The following DNASE1L1 variants were observed in gnomAD, a reference collection of about 807,000 sequenced individuals.
The protein encoded by DNASE1L1 is deoxyribonuclease-1-like 1.
In DNASE1L1, 8 loss-of-function variants were observed where a neutral mutation model predicts 18.6. The ratio of observed to expected loss-of-function variants is 0.43; its 90% CI spans 0.25 to 0.78. The LOEUF (loss-of-function observed/expected upper bound fraction) is 0.78, where lower values mean the gene tolerates loss of function less well. Among genes scored for constraint, DNASE1L1 ranks in the 30% least tolerant of loss-of-function variants. DNASE1L1 has a pLI of 0.23. For missense variants in DNASE1L1, 214 were observed against 258.2 expected (o/e 0.83, Z 1.17); for synonymous variants, 114 against 114.2 (o/e 1.00, Z 0.01).
At chrX:154,411,892 T>G, upstream of DNASE1L1, 1 of 1,207,290 alleles carries the variant, frequency 8.3e-7, no homozygotes, top group Non-Finnish European at 1.1e-6. Context: ...GCCGCTCACC[T>G]GGACCCTGGC....
chrX:154,404,147 C>CTTT lies in DNASE1L1; in HGVS notation c.312-528_312-526dup, dbSNP rs35330789. Among the ~76,000 whole-genome samples the CTTT allele has an allele frequency of 6.5e-3, 426 of 65,225 alleles. 10 individuals carry two copies. Among genetic ancestry groups the CTTT allele is most frequent in the African/African-American group, 0.015 (217 of 14,850 alleles). 56.6% of individuals were successfully genotyped at this position (65,225 alleles called of 115,157 possible). ...GACATTTGGACACTTTGATGTCATT[C>CTTT]TTTTTTTTTTTTTTTTTTTTTTTGA... On this transcript the variant is annotated intron_variant, in intron 4 of 7. Coordinates refer to ENST00000369807, the MANE Select transcript of DNASE1L1 (RefSeq NM_001303620.2).
upstream of DNASE1L1, chrX:154,409,265 G>T (rs2068217098): frequency 4.0e-6 from 1 of 248,571 alleles, no homozygotes; most frequent in Non-Finnish European, 7.9e-6. Context: ...GCCTGGCTGG[G>T]CCGGACGCCC....
At chrX:154,408,335 C>T (rs73247650) in intron 1 of DNASE1L1, among the ~76,000 whole-genome samples, 1 of 112,285 alleles carries the variant, frequency 8.9e-6, no homozygotes, top group Non-Finnish European at 1.9e-5. Flanking sequence ...GGAACATCTT[C>T]GTTCATCTCT....
At chrX:154,411,783 C>T (rs1557190658), upstream of DNASE1L1, 1 of 1,071,423 alleles carries the variant, frequency 9.3e-7, no homozygotes, top group Non-Finnish European at 1.3e-6. Flanking sequence ...GGTCGCAGAC[C>T]TAGAGGCGCC....
rs782503952 is a variant in DNASE1L1, at chrX:154,405,170, C to G, written c.136-87G>C. ...GCCCAGGGGACTGGCACTGTTGTGG[C>G]CCAGAGTGTTAAGGCTCACTGACTG... On this transcript the variant is annotated intron_variant, in intron 2 of 7. Coordinates refer to ENST00000369807, the MANE Select transcript of DNASE1L1 (RefSeq NM_001303620.2). 111 of 979,735 alleles carry G rather than the reference C, an allele frequency of 1.1e-4. No homozygotes were observed. The East Asian group carries it at 2.8e-3, about 25-fold the overall frequency. 80.7% of individuals were successfully genotyped at this position (979,735 alleles called of 1,213,427 possible).
intron 5 of DNASE1L1, 57 bp from the exon 6 acceptor site, chrX:154,403,438 C>A: frequency 1.7e-6 from 2 of 1,196,907 alleles, no homozygotes; most frequent in Non-Finnish European, 2.3e-6. Flanking sequence ...TCCCCCTAGC[C>A]CGTCTGGGTG....
At chrX:154,411,697 G>T (rs1557190532), upstream of DNASE1L1, 1 of 558,561 alleles carries the variant, frequency 1.8e-6, no homozygotes, top group Non-Finnish European at 2.9e-6. Flanking sequence ...AGGGACCTCG[G>T]TCCAGTCCCC....
intron 1 of DNASE1L1, among the ~76,000 whole-genome samples, chrX:154,407,261 CAG>C (rs1425610111): frequency 5.3e-5 from 3 of 56,164 alleles, no homozygotes; most frequent in African/African-American, 1.8e-4. Flanking sequence ...TTTTTTGAGA[CAG>C]AGTCTCACTC....
chrX:154,402,695 G>A lies in DNASE1L1; in HGVS notation c.*12C>T, dbSNP rs782275215. ...CCAAAAGGCAGCAGGCCCTGGGGGG[G>A]TAGGGGGACGCTCAGGCAGCAGGGC... On this transcript the variant is annotated 3_prime_UTR_variant, in exon 8 of 8. Coordinates refer to ENST00000369807, the MANE Select transcript of DNASE1L1 (RefSeq NM_001303620.2). 7.5e-5 allele frequency: 90 copies of A among 1,200,980 alleles called. No individual in the cohort carries two copies. The highest frequency in any genetic ancestry group is 9.7e-5 in the Non-Finnish European group (86 of 889,922).
In DNASE1L1 at chrX:154,404,816, C is replaced by T. The variant is rs782087668; in HGVS notation, c.311+12G>A. 2 of 1,208,235 alleles carry T rather than the reference C, an allele frequency of 1.7e-6. No individual in the cohort carries two copies. ...GCCCCCCACCCTGCTGCGCTGCCAG[C>T]TCCGTGCTCACCGATAGAAGTACAC... is the stretch of plus-strand genomic sequence containing the variant. On this transcript the variant is annotated intron_variant, in intron 4 of 7. Coordinates refer to ENST00000369807, the MANE Select transcript of DNASE1L1 (RefSeq NM_001303620.2).
At chrX:154,404,947 T>C in intron 3 of DNASE1L1, 33 bp from the exon 4 acceptor site, 2 of 1,205,681 alleles carry the variant, frequency 1.7e-6, no homozygotes, top group South Asian at 3.5e-5. Context: ...GGTCAGGGCC[T>C]CAAGCCTCTG....
intron 2 of DNASE1L1, 140 bp downstream of exon 2, chrX:154,405,294 C>A (rs2148158484): frequency 7.9e-6 from 8 of 1,010,888 alleles, no homozygotes; most frequent in East Asian, 6.4e-5. Context: ...AGGCCAGCAG[C>A]AGGCAAGCGC....
rs1370353685 is a variant in DNASE1L1 at position 154,409,212 on chromosome X, A to G, written c.-188T>C. 6.3e-6 allele frequency: 2 copies of G among 317,616 alleles called. No individual in the cohort carries two copies. The highest frequency in any genetic ancestry group is 2.1e-4 in the East Asian group (2 of 9,595). 26.2% of individuals were successfully genotyped at this position (317,616 alleles called of 1,213,427 possible). A position where few individuals can be genotyped will look rare whatever the true frequency, so the allele number is the denominator to read the frequency against. ...CTGAATAGGGCTAGGAGGGGAAAAA[A>G]AAGAGGAAGAGGCTGTGTTCCTGAG... On this transcript the variant is annotated 5_prime_UTR_variant, in exon 1 of 8. Coordinates refer to ENST00000369807, the MANE Select transcript of DNASE1L1 (RefSeq NM_001303620.2).
Position 154,401,661 on chromosome X carries a change from C to T in DNASE1L1, c.*1046G>A, listed in dbSNP as rs1277067729. 8.9e-6 allele frequency: 1 copy of T among 111,933 alleles called. No homozygotes were observed. The highest frequency in any genetic ancestry group is 1.9e-5 in the Non-Finnish European group (1 of 53,134). 9.2% of individuals were successfully genotyped at this position (111,933 alleles called of 1,213,427 possible). A position where few individuals can be genotyped will look rare whatever the true frequency, so the allele number is the denominator to read the frequency against. On this transcript the variant is annotated 3_prime_UTR_variant, in exon 8 of 8. Coordinates refer to ENST00000369807, the MANE Select transcript of DNASE1L1 (RefSeq NM_001303620.2). ...GTATCCAGGGACAGGACTCCAAAGGCTTTTGGTCCCAGAGCTGGGGTATGT... is the reference window on the plus strand; with the variant it reads ...GTATCCAGGGACAGGACTCCAAAGGTTTTTGGTCCCAGAGCTGGGGTATGT...
At chrX:154,412,087 G>A (rs2068326385), upstream of DNASE1L1, 1 of 1,209,039 alleles carries the variant, frequency 8.3e-7, no homozygotes, top group Non-Finnish European at 1.1e-6. Flanking sequence ...CCCCGCCAGA[G>A]TACATGAACC....
Position 154,403,188 on chromosome X carries a change from G to A in DNASE1L1, c.528C>T (p.Asp176=), listed in dbSNP as rs141723221. 5.0e-6 allele frequency: 6 copies of A among 1,209,101 alleles called. No individual in the cohort carries two copies. In the African/African-American group the frequency reaches 8.7e-5, roughly 18 times the overall value. ...LEVSQHWQSK[D]VILLGDFNAD... ...CATTGAAGTCCCCAAGCAGGATCACGTCCTAGAGACACAGCAGCCATCAGG... is the reference window on the plus strand; with the variant it reads ...CATTGAAGTCCCCAAGCAGGATCACATCCTAGAGACACAGCAGCCATCAGG... Residue 176 remains aspartate, a splice_region_variant and synonymous_variant, in exon 7 of 8, where the codon GAC becomes GAT. Transcript: ENST00000369807.
chrX:154,405,467 C>T lies in DNASE1L1; in HGVS notation c.102G>A (p.Val34=), dbSNP rs1265721665. Residue 34 remains valine (V), a synonymous_variant, in exon 2 of 8, where the codon GTG becomes GTA. Coordinates refer to ENST00000369807, the MANE Select transcript of DNASE1L1 (RefSeq NM_001303620.2). ...FNAQRLTLAK[V]AREQVMDTLV... is the part of the protein sequence containing the mutation. ...AGGTGTCCATCACCTGCTCCCTGGC[C>T]ACCTTGGCCAGTGTCAGCCGCTGGG... The T allele has an allele frequency of 4.2e-6, 5 of 1,198,559 alleles. No individual in the cohort carries two copies. The African/African-American group carries it at 8.7e-5, about 21-fold the overall frequency.
chrX:154,405,527 A>G lies in DNASE1L1; in HGVS notation c.42T>C (p.Asn14=). Residue 14 remains asparagine (N), a synonymous_variant, in exon 2 of 8, where the codon AAT becomes AAC. Coordinates refer to ENST00000369807, the MANE Select transcript of DNASE1L1 (RefSeq NM_001303620.2). ...CGCAGATGCGAAAGGCCTGGGCCCC[A>G]TTGGCCAGGATGAGGAAGAGGAGTG... The part of the protein sequence containing the change: ...PTALLFLILA[N]GAQAFRICAF... The G allele has an allele frequency of 8.4e-7, 1 of 1,195,212 alleles. No individual in the cohort carries two copies. The highest frequency in any genetic ancestry group is 1.1e-6 in the Non-Finnish European group (1 of 884,698).
At chrX:154,406,312 T>C (rs1177759095) in intron 1 of DNASE1L1, among the ~76,000 whole-genome samples, 3 of 108,760 alleles carry the variant, frequency 2.8e-5, no homozygotes, top group Non-Finnish European at 5.7e-5. Flanking sequence ...TATTCCATTG[T>C]CTGGGCATCT....
Sources: gnomAD v4.1 joint callset for allele counts (sites outside exome capture counted in the v4.1 genomes callset) on GRCh38, gnomAD v4.1.1 for gene constraint, MANE v1.5 for transcripts, NCBI Gene and HGNC (gene_info 2026-07-23, HGNC 2026-07-21) for gene names.